The following TRPS1 variants were observed in gnomAD, a reference collection of about 807,000 sequenced individuals.
TRPS1 encodes the protein zinc finger transcription factor Trps1.
TRPS1 carries 6 observed loss-of-function variants against 101.2 expected under a neutral mutation model. The observed-to-expected ratio is 0.06, with a 90% CI of 0.03 to 0.12. The LOEUF is 0.12. TRPS1 is among the 10% of genes least tolerant of loss of function. The pLI is 1.00. For synonymous variants in TRPS1, 578 were observed against 589.8 expected, an observed-to-expected ratio of 0.98 and a Z score of 0.29; for missense variants, 1,363 against 1,567.0, an observed-to-expected ratio of 0.87 and a Z score of 2.20.
intron 4 of TRPS1, among the ~76,000 whole-genome samples, chr8:115,599,371 G>T (rs140723065): frequency 6.6e-6 from 1 of 151,834 alleles, no homozygotes; most frequent in Non-Finnish European, 1.5e-5. Context: ...TGTGCAGACC[G>T]TGCAGGTTTG....
intron 1 of TRPS1, among the ~76,000 whole-genome samples, chr8:115,654,361 C>T (rs949124579): frequency 2.6e-5 from 4 of 152,012 alleles, no homozygotes; most frequent in African/African-American, 9.7e-5. Context: ...AAATGAGGTT[C>T]TTTTATTTTT....
intron 4 of TRPS1, among the ~76,000 whole-genome samples, chr8:115,598,393 G>A (rs551969473): frequency 2.0e-5 from 3 of 152,124 alleles, no homozygotes; most frequent in East Asian, 1.9e-4. Context: ...CTGCAGCCTC[G>A]ACCTCCTGGG....
chr8:115,422,452 C>T (rs1431580080), intron 5 of TRPS1, among the ~76,000 whole-genome samples: 7 of 152,026 alleles, frequency 4.6e-5, no homozygotes, highest in South Asian at 2.1e-4. Context: ...CTGCCACCTC[C>T]GCCTCCCGGG....
chr8:115,597,891 C>A, intron 4 of TRPS1, among the ~76,000 whole-genome samples: 1 of 152,020 alleles, frequency 6.6e-6, no homozygotes, highest in African/African-American at 2.4e-5. Flanking sequence ...TTTATATTTG[C>A]TGGTATAACT....
chr8:115,596,761 T>C (rs1446932379), intron 4 of TRPS1, among the ~76,000 whole-genome samples: 2 of 151,850 alleles, frequency 1.3e-5, no homozygotes, highest in Non-Finnish European at 3.0e-5. Context: ...TTCAGATGTA[T>C]TTATCCATGC....
At chr8:115,475,892 C>T (rs1003063435) in intron 5 of TRPS1, among the ~76,000 whole-genome samples, 1 of 151,910 alleles carries the variant, frequency 6.6e-6, no homozygotes, top group Non-Finnish European at 1.5e-5. Context: ...GTTCAATAAA[C>T]TTGAAGCACA....
intron 5 of TRPS1, among the ~76,000 whole-genome samples, chr8:115,479,992 G>A (rs1322598572): frequency 6.6e-6 from 1 of 152,100 alleles, no homozygotes; most frequent in Non-Finnish European, 1.5e-5. Context: ...CACATTAGAG[G>A]TGGGAGAATA....
Position 115,455,797 on chromosome 8 carries a change from CAG to C in TRPS1, c.2701-37347_2701-37346del, listed in dbSNP as rs990031978. ...TTTCTTTTTTTTTTTTTTTTTGAGA[CAG>C]AGTCTTGTGGAGTCTTGCTCTGTCG... On this transcript the variant is annotated intron_variant, in intron 5 of 6. Coordinates refer to ENST00000395715, the MANE Select transcript of TRPS1 (RefSeq NM_014112.5). Among the ~76,000 whole-genome samples, 6 of 89,286 alleles carry C rather than the reference CAG, an allele frequency of 6.7e-5. No homozygotes were observed. The East Asian group carries it at 1.4e-3, about 21-fold the overall frequency. 58.6% of individuals were successfully genotyped at this position (89,286 alleles called of 152,430 possible). A position where few individuals can be genotyped will look rare whatever the true frequency, so the allele number is the denominator to read the frequency against.
chr8:115,647,473 A>G (rs1811438556), intron 1 of TRPS1, among the ~76,000 whole-genome samples: 1 of 152,194 alleles, frequency 6.6e-6, no homozygotes, highest in African/African-American at 2.4e-5. Flanking sequence ...GTAGCCTTAT[A>G]TACATATATA....
chr8:115,575,868 T>C (rs1817306251), intron 5 of TRPS1, among the ~76,000 whole-genome samples: 1 of 152,292 alleles, frequency 6.6e-6, no homozygotes, highest in East Asian at 1.9e-4. Flanking sequence ...TTTATTTTTA[T>C]AATTGTAATG....
At position 115,620,073 on chromosome 8, in the gene TRPS1, A is replaced by G; in HGVS notation, c.38-13T>C. On this transcript the variant is annotated splice_polypyrimidine_tract_variant and intron_variant, in intron 2 of 6. Transcript: ENST00000395715. ...TTCCGGACCATATCTGCAAAGATAAAGGGAAAAGGCAGATACAGTGTTATC... is the reference window on the plus strand; with the variant it reads ...TTCCGGACCATATCTGCAAAGATAAGGGGAAAAGGCAGATACAGTGTTATC... The G allele has an allele frequency of 1.2e-6, 2 of 1,613,034 alleles. No homozygotes were observed. The highest frequency in any genetic ancestry group is 1.7e-5 in the Admixed American group (1 of 60,002).
intron 5 of TRPS1, among the ~76,000 whole-genome samples, chr8:115,482,382 T>A (rs1249857331): frequency 6.6e-6 from 1 of 152,132 alleles, no homozygotes; most frequent in Non-Finnish European, 1.5e-5. Context: ...TACAAAGTCT[T>A]ACAGTTATAA....
chr8:115,548,975 GGTAAA>G (rs1163040756), intron 5 of TRPS1, among the ~76,000 whole-genome samples: 2 of 152,056 alleles, frequency 1.3e-5, no homozygotes, highest in Admixed American at 6.6e-5. Context: ...GCACTGAGCT[GGTAAA>G]GTAGTGTATT....
intron 3 of TRPS1, among the ~76,000 whole-genome samples, chr8:115,608,600 T>C (rs1818092734): frequency 6.6e-6 from 1 of 151,788 alleles, no homozygotes. Flanking sequence ...CCTCTATGGA[T>C]ACAATACTGT....
At position 115,587,475 on chromosome 8, in the gene TRPS1, G is replaced by C. The variant is rs1817591290; in HGVS notation, c.2226C>G (p.Asp742Glu). ...QDITTANGEE[D>E]GHAISTIKEE... ...CTTTGATGGTGGATATGGCATGACC[G>C]TCCTCTTCGCCGTTGGCTGTAGTGA... is the stretch of plus-strand genomic sequence containing the variant. The change falls in exon 5 of 7, where the codon GAC becomes GAG. Residue 742 changes from aspartate to glutamate, a missense_variant. Coordinates refer to ENST00000395715, the MANE Select transcript of TRPS1 (RefSeq NM_014112.5). The C allele has an allele frequency of 6.2e-7, 1 of 1,614,112 alleles. No individual in the cohort carries two copies. The highest frequency in any genetic ancestry group is 1.1e-5 in the South Asian group (1 of 91,078).
chr8:115,504,850 A>T (rs542636756), intron 5 of TRPS1, among the ~76,000 whole-genome samples: 1 of 152,300 alleles, frequency 6.6e-6, no homozygotes, highest in South Asian at 2.1e-4. Flanking sequence ...AAAGAAAACA[A>T]AATGAAAACT....
chr8:115,668,814 T>TA lies in TRPS1; in HGVS notation c.-392dup, dbSNP rs759303878. ...AGGGGAGGGGGTGTTGTTTTTTGTTTAAAAAAAAAAAAAAGAAATAGGAAG... is the reference window on the plus strand; with the variant it reads ...AGGGGAGGGGGTGTTGTTTTTTGTTTAAAAAAAAAAAAAAAGAAATAGGAAG... On this transcript the variant is annotated 5_prime_UTR_variant, in exon 1 of 7. Coordinates refer to ENST00000395715, the MANE Select transcript of TRPS1 (RefSeq NM_014112.5). 18,798 of 133,242 alleles carry TA rather than the reference T, an allele frequency of 0.14. 3,071 individuals are homozygous for TA. Among genetic ancestry groups the TA allele is most frequent in the African/African-American group, 0.4 (14,511 of 36,336 alleles). The allele number at this position is 133,242 out of a possible 1,614,324, so 8.3% of individuals were successfully genotyped here. A position where few individuals can be genotyped will look rare whatever the true frequency, so the allele number is the denominator to read the frequency against.
At chr8:115,633,005 T>C (rs1049842453) in intron 1 of TRPS1, among the ~76,000 whole-genome samples, 1 of 152,028 alleles carries the variant, frequency 6.6e-6, no homozygotes, top group Non-Finnish European at 1.5e-5. Flanking sequence ...GATTTTTCAG[T>C]GAAACAGCAG....
intron 4 of TRPS1, among the ~76,000 whole-genome samples, chr8:115,595,968 A>G (rs991552210): frequency 6.6e-6 from 1 of 151,846 alleles, no homozygotes; most frequent in Non-Finnish European, 1.5e-5. Flanking sequence ...ATTTCAAGGT[A>G]TTATAAGCAA....
Sources: allele counts gnomAD v4.1 joint callset (sites outside exome capture counted in the v4.1 genomes callset), GRCh38; gene constraint gnomAD v4.1.1; transcripts MANE v1.5; gene names NCBI Gene and HGNC (gene_info 2026-07-23, HGNC 2026-07-21).